TPD52: variants seen among roughly 807,000 people sequenced by gnomAD.
The protein encoded by TPD52 is prostate and colon associated protein.
A neutral mutation model predicts 31.3 loss-of-function variants in TPD52; 17 were observed. The ratio of observed to expected loss-of-function variants is 0.54; its 90% CI spans 0.37 to 0.82. The LOEUF (loss-of-function observed/expected upper bound fraction) is 0.82, where lower values mean the gene tolerates loss of function less well. TPD52 is among the 40% of genes least tolerant of loss of function. The pLI is 0.00. For synonymous variants in TPD52, 83 were observed against 89.6 expected (o/e 0.93, Z 0.42); for missense variants, 212 against 240.1 (o/e 0.88, Z 0.77).
At chr8:80,059,580 G>A (rs551179571) in intron 2 of TPD52, among the ~76,000 whole-genome samples, 18 of 152,246 alleles carry the variant, frequency 1.2e-4, no homozygotes, top group East Asian at 1.9e-4. Context: ...ACAGCCAGGC[G>A]CAGTGGCTCA....
intron 6 of TPD52, among the ~76,000 whole-genome samples, chr8:80,043,750 A>T (rs1484877349): frequency 6.6e-6 from 1 of 152,204 alleles, no homozygotes; most frequent in Non-Finnish European, 1.5e-5. Context: ...ATGAAAGCAG[A>T]TAGTAGAATT....
At chr8:80,092,705 C>T (rs2130889603) in intron 1 of TPD52, among the ~76,000 whole-genome samples, 1 of 151,772 alleles carries the variant, frequency 6.6e-6, no homozygotes, top group South Asian at 2.1e-4. Context: ...TCAAGTGGAG[C>T]TAAAAACTGT....
chr8:80,099,654 G>C (rs764278092), intron 1 of TPD52, among the ~76,000 whole-genome samples: 1 of 152,050 alleles, frequency 6.6e-6, no homozygotes, highest in African/African-American at 2.4e-5. Flanking sequence ...GGGACTACAG[G>C]AGCGTGACAC....
At chr8:80,157,181 G>A (rs1029078708) in intron 1 of TPD52, among the ~76,000 whole-genome samples, 4 of 151,938 alleles carry the variant, frequency 2.6e-5, no homozygotes, top group East Asian at 1.9e-4. Flanking sequence ...ATCCAGTCAA[G>A]AGAATGTCAT....
intron 1 of TPD52, chr8:80,119,755 G>C: frequency 3.2e-6 from 1 of 314,232 alleles, no homozygotes. Flanking sequence ...CAAAACATTT[G>C]AAACAAGTCC....
chr8:80,076,001 T>C (rs1269384454), intron 1 of TPD52, among the ~76,000 whole-genome samples: 2 of 152,210 alleles, frequency 1.3e-5, no homozygotes, highest in African/African-American at 2.4e-5. Context: ...TTTCAGTCTT[T>C]CTAGAGTATC....
chr8:80,142,277 A>G (rs1191054277), intron 1 of TPD52, among the ~76,000 whole-genome samples: 1 of 152,222 alleles, frequency 6.6e-6, no homozygotes, highest in Non-Finnish European at 1.5e-5. Context: ...TAGCCTAGTC[A>G]TATCAGAGAT....
intron 1 of TPD52, among the ~76,000 whole-genome samples, chr8:80,107,295 C>T (rs1367281961): frequency 1.3e-5 from 2 of 152,194 alleles, no homozygotes; most frequent in Non-Finnish European, 2.9e-5. Context: ...AGCATTACAT[C>T]AATTCAGCTA....
rs1809828556 is a variant in TPD52, at chr8:80,035,326, A to G, written c.*2790T>C. The G allele has an allele frequency of 6.6e-6, 1 of 152,196 alleles. No homozygotes were observed. The highest frequency in any genetic ancestry group is 1.5e-5 in the Non-Finnish European group (1 of 68,038). The allele number at this position is 152,196 out of a possible 1,614,324, so 9.4% of individuals were successfully genotyped here. On this transcript the variant is annotated 3_prime_UTR_variant, in exon 8 of 8. Coordinates refer to ENST00000518937, the MANE Select transcript of TPD52 (RefSeq NM_001025253.3). ...AACATCATTCTGACAAATGACCTTA[A>G]TGTAGGATCTCTTTGGACACATCTT... is the stretch of plus-strand genomic sequence containing the variant.
intron 3 of TPD52, among the ~76,000 whole-genome samples, chr8:80,052,023 T>C (rs948106247): frequency 1.3e-5 from 2 of 152,240 alleles, no homozygotes; most frequent in Non-Finnish European, 2.9e-5. Context: ...TCAGATGCCT[T>C]TGTCAACTTG....
chr8:80,107,167 A>G (rs998415587), intron 1 of TPD52, among the ~76,000 whole-genome samples: 3 of 152,288 alleles, frequency 2.0e-5, no homozygotes, highest in East Asian at 1.9e-4. Context: ...AAGCTTTTGA[A>G]AGCCATTCCT....
intron 1 of TPD52, among the ~76,000 whole-genome samples, chr8:80,090,473 G>A (rs951970231): frequency 5.3e-5 from 8 of 152,154 alleles, no homozygotes; most frequent in African/African-American, 1.9e-4. Flanking sequence ...CAGACCAGGG[G>A]CCAAGGAAGG....
chr8:80,105,754 T>C (rs1328330902), intron 1 of TPD52, among the ~76,000 whole-genome samples: 3 of 138,276 alleles, frequency 2.2e-5, no homozygotes, highest in Non-Finnish European at 4.6e-5. Flanking sequence ...TTTTTTGAGA[T>C]GGAGTCTGGC....
At chr8:80,064,684 A>C (rs1812930484) in intron 1 of TPD52, 91 bp from the exon 2 acceptor site, 1 of 879,726 alleles carries the variant, frequency 1.1e-6, no homozygotes, top group Admixed American at 1.8e-5. Context: ...GAATAAAGCC[A>C]ATTAGAGTAG....
chr8:80,147,013 G>A (rs946752259), intron 1 of TPD52, among the ~76,000 whole-genome samples: 3 of 152,108 alleles, frequency 2.0e-5, no homozygotes, highest in African/African-American at 7.2e-5. Context: ...TCTGTGGGTG[G>A]GGTCAGCAGT....
At chr8:80,164,898 CAAAAAAAAAAAAAA>C (rs34027501) in intron 1 of TPD52, among the ~76,000 whole-genome samples, 2 of 31,908 alleles carry the variant, frequency 6.3e-5, no homozygotes, top group Non-Finnish European at 1.1e-4. Context: ...GACAATGTCT[CAAAAAAAAAAAAAA>C]AAAAAAAAAA....
At chr8:80,081,156 CTTTTTTTTTTT>C (rs5892705) in intron 1 of TPD52, among the ~76,000 whole-genome samples, 11 of 109,394 alleles carry the variant, frequency 1.0e-4, no homozygotes, top group African/African-American at 4.1e-4. Flanking sequence ...TTTTCTCTCT[CTTTTTTTTTTT>C]TTTTTTTTTT....
chr8:80,160,619 G>A (rs1323040984), intron 1 of TPD52, among the ~76,000 whole-genome samples: 1 of 151,982 alleles, frequency 6.6e-6, no homozygotes, highest in Non-Finnish European at 1.5e-5. Context: ...TTTTGTTCTG[G>A]TTTACTAGTA....
chr8:80,081,420 T>G (rs567591912), intron 1 of TPD52, among the ~76,000 whole-genome samples: 1 of 152,300 alleles, frequency 6.6e-6, no homozygotes, highest in African/African-American at 2.4e-5. Context: ...ATGCTGACTG[T>G]GGCCTTGGCT....
Sources: allele counts gnomAD v4.1 joint callset (sites outside exome capture counted in the v4.1 genomes callset), GRCh38; gene constraint gnomAD v4.1.1; transcripts MANE v1.5; gene names NCBI Gene and HGNC (gene_info 2026-07-23, HGNC 2026-07-21).